Variants in VEGFA observed in about 807,000 individuals in gnomAD.
VEGFA encodes the protein vascular endothelial growth factor A.
Under a neutral mutation model 49.7 loss-of-function variants are expected in VEGFA, and 20 were observed. That is an observed-to-expected ratio of 0.40 (90% CI 0.28 to 0.58). The LOEUF (loss-of-function observed/expected upper bound fraction) is 0.58. VEGFA is among the 20% of genes least tolerant of loss of function. The pLI, the probability that VEGFA is intolerant of heterozygous loss-of-function variation, is 0.40. For synonymous variants in VEGFA, 219 were observed against 223.4 expected (o/e 0.98, Z 0.18); for missense variants, 505 against 553.5 (o/e 0.91, Z 0.88).
At chr6:43,779,343 T>G (rs955022058) in intron 5 of VEGFA, 1 of 363,842 alleles carries the variant, frequency 2.7e-6, no homozygotes, top group African/African-American at 2.1e-5. Flanking sequence ...TGCAGTTGGA[T>G]GCGAGGCCGG....
chr6:43,772,272 C>A (rs1382062465), intron 1 of VEGFA, among the ~76,000 whole-genome samples: 1 of 152,218 alleles, frequency 6.6e-6, no homozygotes, highest in Non-Finnish European at 1.5e-5. Flanking sequence ...TTTCTCTCTG[C>A]GGAGAAGATC....
chr6:43,771,992 G>T, intron 1 of VEGFA: 1 of 985,126 alleles, frequency 1.0e-6, no homozygotes. Flanking sequence ...ATCAGCCCGG[G>T]CCTGGCCGGC....
In VEGFA at chr6:43,784,740, C is replaced by A; in HGVS notation, c.*178C>A. On this transcript the variant is annotated 3_prime_UTR_variant, in exon 8 of 8. Coordinates refer to ENST00000672860, the MANE Select transcript of VEGFA (RefSeq NM_003376.6). ...AAGGAAGAGGAGACTCTGCGCAGAGCACTTTGGGTCCGGAGGGCGAGACTC... is the reference window on the plus strand; with the variant it reads ...AAGGAAGAGGAGACTCTGCGCAGAGAACTTTGGGTCCGGAGGGCGAGACTC... 8.1e-7 allele frequency: 1 copy of A among 1,228,128 alleles called. No individual in the cohort carries two copies. Among genetic ancestry groups the A allele is most frequent in the Non-Finnish European group, 1.2e-6 (1 of 845,664 alleles). The allele number at this position is 1,228,128 out of a possible 1,614,324, so 76.1% of individuals were successfully genotyped here. A position where few individuals can be genotyped will look rare whatever the true frequency, so the allele number is the denominator to read the frequency against.
Position 43,780,839 on chromosome 6 carries a change from G to C in VEGFA, c.1034+36G>C, listed in dbSNP as rs2128045466. ...GCCCGCTGCTGTCTAATGCCCTGGA[G>C]CCTCCCTGGCCCCCAGTACAACCTC... On this transcript the variant is annotated intron_variant, in intron 6 of 7. Coordinates refer to ENST00000672860, the MANE Select transcript of VEGFA (RefSeq NM_003376.6). 6.2e-7 allele frequency: 1 copy of C among 1,613,500 alleles called. No homozygotes were observed.
In VEGFA at chr6:43,771,229, G is replaced by T. The variant is rs761101895; in HGVS notation, c.523G>T (p.Gly175Cys). ...AGGGAGCGCGAGCCGCGCCGGCCCC[G>T]GTCGGGCCTCCGAAACCATGAACTT... is the stretch of plus-strand genomic sequence containing the variant. The change falls in exon 1 of 8, where the codon GGT (glycine) becomes TGT (cysteine). Residue 175 changes from glycine (G) to cysteine (C), a missense_variant. This residue lies in a region of VEGFA where 340 missense variants were observed against 321.8 expected (regional missense o/e 1.06). Coordinates refer to ENST00000672860, the MANE Select transcript of VEGFA (RefSeq NM_003376.6). 398 of 1,605,744 alleles carry T rather than the reference G, an allele frequency of 2.5e-4. No individual in the cohort carries two copies. Among genetic ancestry groups the T allele is most frequent in the Non-Finnish European group, 3.3e-4 (387 of 1,177,226 alleles).
At position 43,770,885 on chromosome 6, in the gene VEGFA, G is replaced by C; in HGVS notation, c.179G>C (p.Gly60Ala). 1.3e-6 allele frequency: 2 copies of C among 1,544,684 alleles called. No homozygotes were observed. ...CTGAAACTTTTCGTCCAACTTCTGGGCTGTTCTCGCTTCGGAGGAGCCGTG... is the reference window on the plus strand; with the variant it reads ...CTGAAACTTTTCGTCCAACTTCTGGCCTGTTCTCGCTTCGGAGGAGCCGTG... The change falls in exon 1 of 8, where the codon GGC (glycine) becomes GCC (alanine). Residue 60 changes from glycine to alanine, a missense_variant. By Grantham distance (60) the Gly-to-Ala change is moderately conservative. This residue lies in a region of VEGFA where 340 missense variants were observed against 321.8 expected (regional missense o/e 1.06). Coordinates refer to ENST00000672860, the MANE Select transcript of VEGFA (RefSeq NM_003376.6).
At position 43,771,078 on chromosome 6, in the gene VEGFA, G is replaced by T; in HGVS notation, c.372G>T (p.Ala124=). The stretch of plus-strand genomic sequence containing the variant: ...CGGGCTCATGGACGGGTGAGGCGGC[G>T]GTGTGCGCAGACAGTGCTCCAGCCG... Residue 124 remains alanine, a synonymous_variant, in exon 1 of 8, where the codon GCG becomes GCT. Coordinates refer to ENST00000672860, the MANE Select transcript of VEGFA (RefSeq NM_003376.6). 6.7e-7 allele frequency: 1 copy of T among 1,496,686 alleles called. No individual in the cohort carries two copies. The highest frequency in any genetic ancestry group is 2.6e-5 in the East Asian group (1 of 37,964). 92.7% of individuals were successfully genotyped at this position (1,496,686 alleles called of 1,614,324 possible).
intron 5 of VEGFA, chr6:43,779,763 C>T (rs1766770771): frequency 4.4e-6 from 2 of 458,352 alleles, no homozygotes; most frequent in Middle Eastern, 3.3e-4. Context: ...CTAAGGGGGA[C>T]AGACTTGCCC....
chr6:43,781,806 T>C, intron 6 of VEGFA, 150 bp from the exon 7 acceptor site: 2 of 1,008,338 alleles, frequency 2.0e-6, no homozygotes, highest in South Asian at 2.7e-5. Context: ...TGTCTTTTGC[T>C]GTAGCGCTCG....
intron 5 of VEGFA, chr6:43,779,376 A>G (rs949336582): frequency 6.8e-5 from 24 of 353,386 alleles, no homozygotes; most frequent in Middle Eastern, 9.2e-4. Flanking sequence ...TTCTCAGTGC[A>G]TGCCCTCCTG....
At chr6:43,780,478 CAG>C (rs1236000966) in intron 5 of VEGFA, 25 of 535,636 alleles carry the variant, frequency 4.7e-5, no homozygotes, top group Middle Eastern at 5.1e-4. Flanking sequence ...AAAGCCTTGT[CAG>C]GGGCTGGGTT....
At position 43,777,711 on chromosome 6, in the gene VEGFA, GTA is replaced by G; in HGVS notation, c.855+47_855+48del. ...GGGCAAGGGGGGGATAGGGAGGGGG[GTA>G]ACACTTTGGGAACAGGTGGTCCCAG... On this transcript the variant is annotated intron_variant, in intron 3 of 7. Transcript: ENST00000672860. This position sits in a 1 kb window ranked among gnomAD's most constrained non-coding sequence, Gnocchi z 4.3. 1.7e-6 allele frequency: 1 copy of G among 588,464 alleles called. No homozygotes were observed. Among genetic ancestry groups the G allele is most frequent in the Non-Finnish European group, 3.2e-6 (1 of 314,252 alleles). The allele number at this position is 588,464 out of a possible 1,614,324, so 36.5% of individuals were successfully genotyped here. A position where few individuals can be genotyped will look rare whatever the true frequency, so the allele number is the denominator to read the frequency against.
chr6:43,773,163 T>G lies in VEGFA; in HGVS notation c.607-1178T>G, dbSNP rs1347852235. 3 of 152,598 alleles carry G rather than the reference T, an allele frequency of 2.0e-5. No individual in the cohort carries two copies. The highest frequency in any genetic ancestry group is 7.3e-5 in the African/African-American group (3 of 41,376). The allele number at this position is 152,598 out of a possible 1,614,324, so 9.5% of individuals were successfully genotyped here. A position where few individuals can be genotyped will look rare whatever the true frequency, so the allele number is the denominator to read the frequency against. ...CTGTTGTTTTCTCTTGAGAGGGGCT[T>G]CCTGTGACCTTGGCTGTCTCTGGGA... On this transcript the variant is annotated intron_variant, in intron 1 of 7. Transcript: ENST00000672860. The surrounding 1 kb of genome is among the most constrained non-coding windows in gnomAD (Gnocchi z 5.6).
intron 1 of VEGFA, among the ~76,000 whole-genome samples, chr6:43,771,570 G>T (rs1490517778): frequency 6.6e-6 from 1 of 152,322 alleles, no homozygotes; most frequent in Non-Finnish European, 1.5e-5. Flanking sequence ...GATCTGGGCC[G>T]ACCAGCCGAG....
intron 1 of VEGFA, 131 bp downstream of exon 1, chr6:43,771,443 C>T: frequency 1.0e-6 from 1 of 959,478 alleles, no homozygotes; most frequent in East Asian, 3.1e-5. Flanking sequence ...GTGCGGCGTC[C>T]CCCTCTGTCG....
chr6:43,782,870 C>T (rs1370958658), intron 7 of VEGFA: 1 of 152,894 alleles, frequency 6.5e-6, no homozygotes, highest in East Asian at 1.9e-4. Flanking sequence ...TACCTTTAAT[C>T]CTCCACCAGT....
At position 43,770,990 on chromosome 6, in the gene VEGFA, G is replaced by A. The variant is rs766474822; in HGVS notation, c.284G>A (p.Gly95Glu). The A allele has an allele frequency of 3.2e-6, 5 of 1,542,536 alleles. No homozygotes were observed. The African/African-American group carries it at 5.6e-5, about 17-fold the overall frequency. ...CGGGAGGAGCCGCAGCCGGAGGAGG[G>A]GGAGGAGGAAGAAGAGAAGGAAGAG... The change falls in exon 1 of 8, where the codon GGG (glycine) becomes GAG (glutamate). Residue 95 changes from glycine (G) to glutamate (E), a missense_variant. This residue lies in a region of VEGFA where 340 missense variants were observed against 321.8 expected (regional missense o/e 1.06). Transcript: ENST00000672860.
At chr6:43,779,748 T>C (rs772522930) in intron 5 of VEGFA, 6 of 460,974 alleles carry the variant, frequency 1.3e-5, no homozygotes, top group Non-Finnish European at 8.7e-6. Context: ...CTTTGGTGCT[T>C]TCTCCTAAGG....
rs1336225539 is a variant in VEGFA, at chr6:43,784,675, A to ACCATCGACAGAACAGTCCTTAAT, written c.*117_*139dup. ...ACCACGCTGCCGCCACCACACCATC[A>ACCATCGACAGAACAGTCCTTAAT]CCATCGACAGAACAGTCCTTAATCC... On this transcript the variant is annotated 3_prime_UTR_variant, in exon 8 of 8. Coordinates refer to ENST00000672860, the MANE Select transcript of VEGFA (RefSeq NM_003376.6). 4 of 1,565,432 alleles carry ACCATCGACAGAACAGTCCTTAAT rather than the reference A, an allele frequency of 2.6e-6. No individual in the cohort carries two copies. In the South Asian group the frequency reaches 4.4e-5, roughly 17 times the overall value.
Sources: allele counts gnomAD v4.1 joint callset (sites outside exome capture counted in the v4.1 genomes callset), GRCh38; gene constraint gnomAD v4.1.1; regional missense constraint gnomAD v4.1.1; non-coding constraint Gnocchi (gnomAD v3.1); transcripts MANE v1.5; gene names NCBI Gene and HGNC (gene_info 2026-07-23, HGNC 2026-07-21).